The following SCNN1A variants were observed in gnomAD, a reference collection of about 807,000 sequenced individuals.
SCNN1A encodes the protein sodium channel epithelial 1 subunit alpha.
A neutral mutation model predicts 68.6 loss-of-function variants in SCNN1A; 65 were observed. That is an observed-to-expected ratio of 0.95 (90% confidence interval 0.78 to 1.16). SCNN1A has a LOEUF of 1.16. Ranked by LOEUF, SCNN1A falls within the 50% of genes most tolerant of loss-of-function variation. SCNN1A has a pLI of 0.00. For synonymous variants in SCNN1A, 357 were observed against 353.3 expected, an observed-to-expected ratio of 1.01 and a Z score of -0.12; for missense variants, 880 against 865.9, an observed-to-expected ratio of 1.02 and a Z score of -0.20.
At chr12:6,375,869 G>T (rs2071244), upstream of SCNN1A, 4 of 1,293,594 alleles carry the variant, frequency 3.1e-6, no homozygotes, top group Admixed American at 3.8e-5. Context: ...GTGGGGAACC[G>T]GGAGGACAGG....
intron 2 of SCNN1A, among the ~76,000 whole-genome samples, chr12:6,369,376 G>GCCACCCTACTCACCTCCCT (rs1206838851): frequency 2.1e-5 from 3 of 145,826 alleles, no homozygotes; most frequent in African/African-American, 7.6e-5. Context: ...CCTCCCTCCT[G>GCCACCCTACTCACCTCCCT]CCTGGCCTCA....
chr12:6,347,991 G>A lies in SCNN1A; in HGVS notation c.1892C>T (p.Pro631Leu). 1.9e-6 allele frequency: 3 copies of A among 1,575,272 alleles called. No individual in the cohort carries two copies. The highest frequency in any genetic ancestry group is 2.6e-6 in the Non-Finnish European group (3 of 1,158,238). The change falls in exon 13 of 13, where the codon CCT (proline) becomes CTT (leucine). Residue 631 changes from proline to leucine, a missense_variant. By Grantham distance (98) the Pro-to-Leu change is moderately conservative. Transcript: ENST00000228916. The stretch of plus-strand genomic sequence containing the variant: ...GGCTGTCAAGGCTGGAGAGGGAGCA[G>A]GGCCTGGCTGGGACAAGGACAGAGA... ...PMSLSLSQPGPAPSPALTAPP... is the reference protein window; with the variant it reads ...PMSLSLSQPGLAPSPALTAPP...
rs753866692 is a variant in SCNN1A at position 6,374,590 on chromosome 12, T to G, written c.194A>C (p.Asn65Thr). 7.9e-5 allele frequency: 127 copies of G among 1,613,790 alleles called. No individual in the cohort carries two copies. Among genetic ancestry groups the G allele is most frequent in the Middle Eastern group, 4.9e-4 (3 of 6,084 alleles). Reference protein sequence around the residue: ...YRELFEFFCNNTTIHGAIRLV... With the variant: ...YRELFEFFCNTTTIHGAIRLV... Reference sequence around the variant, plus strand: ...GCGGATGGCGCCGTGGATGGTGGTGTTGTTGCAGAAGAACTCGAAGAGCTC... The same window carrying G: ...GCGGATGGCGCCGTGGATGGTGGTGGTGTTGCAGAAGAACTCGAAGAGCTC... The change falls in exon 2 of 13, where the codon AAC (asparagine) becomes ACC (threonine). Residue 65 changes from asparagine (N) to threonine (T), a missense_variant. By Grantham distance (65) the Asn-to-Thr change is moderately conservative. This residue lies in a region of SCNN1A where 45 missense variants were observed against 76.7 expected (regional missense o/e 0.59). Transcript: ENST00000228916. This position sits in a 1 kb window ranked among gnomAD's most constrained non-coding sequence, Gnocchi z 6.2.
At chr12:6,366,295 C>G (rs1242809506) in intron 2 of SCNN1A, among the ~76,000 whole-genome samples, 1 of 152,164 alleles carries the variant, frequency 6.6e-6, no homozygotes. Context: ...CCATTCCACT[C>G]CTAAGAGAAA....
intron 4 of SCNN1A, among the ~76,000 whole-genome samples, chr12:6,357,125 G>T (rs1948510093): frequency 6.6e-6 from 1 of 152,202 alleles, no homozygotes; most frequent in South Asian, 2.1e-4. Flanking sequence ...AGGACTGAAG[G>T]AGAGGCTACA....
At chr12:6,368,525 T>C (rs1948719471) in intron 2 of SCNN1A, among the ~76,000 whole-genome samples, 1 of 152,264 alleles carries the variant, frequency 6.6e-6, no homozygotes, top group Non-Finnish European at 1.5e-5. Flanking sequence ...AACTTTAGGC[T>C]AAAACTTATT....
chr12:6,364,749 G>A (rs1260910502), intron 2 of SCNN1A, among the ~76,000 whole-genome samples: 5 of 135,394 alleles, frequency 3.7e-5, no homozygotes, highest in Non-Finnish European at 6.3e-5. Context: ...GAGACAGAGC[G>A]AGACTCCGTC....
chr12:6,374,606 C>A lies in SCNN1A; in HGVS notation c.178G>T (p.Glu60Ter). The change falls in exon 2 of 13, where the codon GAG becomes TAG. Residue 60 changes from glutamate to a stop codon, truncating the protein, a stop_gained. Transcript: ENST00000228916. LOFTEE classifies it high-confidence loss of function. This position sits in a 1 kb window ranked among gnomAD's most constrained non-coding sequence, Gnocchi z 6.2. ...ATGGTGGTGTTGTTGCAGAAGAACTCGAAGAGCTCTCGGTAGGAGCGGTGG... is the reference window on the plus strand; with the variant it reads ...ATGGTGGTGTTGTTGCAGAAGAACTAGAAGAGCTCTCGGTAGGAGCGGTGG... Reference protein sequence around the residue: ...EFHRSYRELFEFFCNNTTIHG... With the variant: ...EFHRSYRELF 6.2e-7 allele frequency: 1 copy of A among 1,613,904 alleles called. No homozygotes were observed. Among genetic ancestry groups the A allele is most frequent in the Non-Finnish European group, 8.5e-7 (1 of 1,179,904 alleles).
intron 11 of SCNN1A, 64 bp from the exon 12 acceptor site, chr12:6,348,866 A>T: frequency 6.2e-7 from 1 of 1,600,252 alleles, no homozygotes; most frequent in Non-Finnish European, 8.6e-7. Flanking sequence ...CCTTCCTCTA[A>T]TCAACCATAT....
intron 8 of SCNN1A, among the ~76,000 whole-genome samples, chr12:6,350,273 A>T (rs1948358965): frequency 6.7e-6 from 1 of 150,034 alleles, no homozygotes; most frequent in African/African-American, 2.5e-5. Flanking sequence ...TCTACTAAAA[A>T]TACAAAAAAT....
At chr12:6,348,577 C>A in intron 12 of SCNN1A, 150 bp downstream of exon 12, 1 of 811,314 alleles carries the variant, frequency 1.2e-6, no homozygotes, top group Non-Finnish European at 2.1e-6. Flanking sequence ...CCAACCCTCC[C>A]AACCTCTCCC....
intron 8 of SCNN1A, among the ~76,000 whole-genome samples, chr12:6,350,848 A>T (rs201755385): frequency 1.4e-4 from 16 of 114,114 alleles, no homozygotes; most frequent in African/African-American, 5.5e-4. Context: ...AATAAATAAT[A>T]AATAAATAAA....
chr12:6,358,336 T>G (rs889986492), intron 4 of SCNN1A, among the ~76,000 whole-genome samples: 1 of 152,180 alleles, frequency 6.6e-6, no homozygotes, highest in African/African-American at 2.4e-5. Context: ...CTGTTGGGAA[T>G]GTTAAATGGT....
At position 6,374,822 on chromosome 12, in the gene SCNN1A, C is replaced by T; in HGVS notation, c.-39G>A. On this transcript the variant is annotated 5_prime_UTR_variant, in exon 2 of 13. Coordinates refer to ENST00000228916, the MANE Select transcript of SCNN1A (RefSeq NM_001038.6). The surrounding 1 kb of genome is among the most constrained non-coding windows in gnomAD (Gnocchi z 6.2). ...GGCTGCAGAGGTCTAGGGTCCTGCT[C>T]CTCCAGCTTGTTCCCCTTCATGAGC... 1 of 1,614,084 alleles carries T rather than the reference C, an allele frequency of 6.2e-7. No individual in the cohort carries two copies. Among genetic ancestry groups the T allele is most frequent in the East Asian group, 2.2e-5 (1 of 44,876 alleles).
chr12:6,358,525 A>T (rs1948533175), intron 4 of SCNN1A, among the ~76,000 whole-genome samples: 1 of 152,214 alleles, frequency 6.6e-6, no homozygotes, highest in Non-Finnish European at 1.5e-5. Flanking sequence ...ACAGCCAAAA[A>T]GTAGAAACAA....
chr12:6,365,134 C>G (rs1948655181), intron 2 of SCNN1A, among the ~76,000 whole-genome samples: 1 of 151,910 alleles, frequency 6.6e-6, no homozygotes, highest in Non-Finnish European at 1.5e-5. Context: ...ATCCTCCCGC[C>G]TCAGCCTCCC....
chr12:6,359,273 T>TA (rs1396973061), intron 4 of SCNN1A, among the ~76,000 whole-genome samples: 8 of 151,970 alleles, frequency 5.3e-5, no homozygotes, highest in Admixed American at 3.9e-4. Flanking sequence ...AAAGTGTTAT[T>TA]AAAAAAAGAT....
At chr12:6,373,915 A>G (rs1948843863) in intron 2 of SCNN1A, among the ~76,000 whole-genome samples, 1 of 152,064 alleles carries the variant, frequency 6.6e-6, no homozygotes, top group South Asian at 2.1e-4. Context: ...CACCACCTCC[A>G]CAGCACCTGC....
At chr12:6,369,312 C>T (rs1489057870) in intron 2 of SCNN1A, among the ~76,000 whole-genome samples, 1 of 137,090 alleles carries the variant, frequency 7.3e-6, no homozygotes, top group African/African-American at 2.5e-5. Flanking sequence ...CTCCTGCCAC[C>T]CTACGCACCT....
Sources: allele counts gnomAD v4.1 joint callset (sites outside exome capture counted in the v4.1 genomes callset), GRCh38; gene constraint gnomAD v4.1.1; regional missense constraint gnomAD v4.1.1; non-coding constraint Gnocchi (gnomAD v3.1); transcripts MANE v1.5; gene names NCBI Gene and HGNC (gene_info 2026-07-23, HGNC 2026-07-21).